The following ARFGEF3 variants were observed in gnomAD, a reference collection of about 807,000 sequenced individuals.
ARFGEF3 encodes ARFGEF family member 3.
A neutral mutation model predicts 221.7 loss-of-function variants in ARFGEF3; 96 were observed. The observed-to-expected ratio is 0.43, with a 90% CI of 0.37 to 0.51. The LOEUF is 0.51. ARFGEF3 is among the 20% of genes least tolerant of loss of function. The pLI, the probability that ARFGEF3 is intolerant of heterozygous loss-of-function variation, is 0.00. For missense variants in ARFGEF3, 2,410 were observed against 2,789.9 expected (o/e 0.86, Z 3.07); for synonymous variants, 1,145 against 1,126.8 (o/e 1.02, Z -0.32).
intron 22 of ARFGEF3, among the ~76,000 whole-genome samples, chr6:138,302,637 A>T (rs1455255573): frequency 1.3e-5 from 2 of 152,208 alleles, no homozygotes; most frequent in Non-Finnish European, 2.9e-5. Flanking sequence ...TAAAAGCTGC[A>T]AGAGAAAGAC....
At chr6:138,307,194 A>G in intron 22 of ARFGEF3, 59 bp from the exon 23 acceptor site, 1 of 1,571,184 alleles carries the variant, frequency 6.4e-7, no homozygotes, top group East Asian at 2.3e-5. Context: ...CACCCTTCCC[A>G]GAAATTCTGC....
chr6:138,195,673 T>C (rs534646385), intron 2 of ARFGEF3, among the ~76,000 whole-genome samples: 2 of 152,366 alleles, frequency 1.3e-5, no homozygotes, highest in South Asian at 4.1e-4. Flanking sequence ...ACAGTAAACA[T>C]CTTTACATAG....
At chr6:138,269,699 C>T (rs1289899277) in intron 12 of ARFGEF3, among the ~76,000 whole-genome samples, 1 of 151,804 alleles carries the variant, frequency 6.6e-6, no homozygotes, top group Admixed American at 6.6e-5. Flanking sequence ...CCCAGCTACT[C>T]GGGAGGCTGA....
intron 1 of ARFGEF3, among the ~76,000 whole-genome samples, chr6:138,164,839 A>G (rs1776693811): frequency 6.6e-6 from 1 of 152,194 alleles, no homozygotes. Flanking sequence ...GCAACAATAA[A>G]CTTAGACCAT....
chr6:138,172,774 A>T (rs2114433022), intron 2 of ARFGEF3, among the ~76,000 whole-genome samples: 1 of 152,336 alleles, frequency 6.6e-6, no homozygotes, highest in East Asian at 1.9e-4. Context: ...CTTCATAGGC[A>T]TATGAACTAA....
chr6:138,282,600 G>A (rs1779216196), intron 14 of ARFGEF3, among the ~76,000 whole-genome samples: 1 of 152,210 alleles, frequency 6.6e-6, no homozygotes, highest in South Asian at 2.1e-4. Context: ...GGGTGGCAGA[G>A]TCCTCATCAT....
intron 2 of ARFGEF3, among the ~76,000 whole-genome samples, chr6:138,186,438 C>T (rs1454815464): frequency 6.6e-6 from 1 of 152,206 alleles, no homozygotes; most frequent in East Asian, 1.9e-4. Flanking sequence ...CTTCAGATCT[C>T]ACATCCCCAT....
rs1421537762 is a variant in ARFGEF3 at position 138,287,089 on chromosome 6, G to C, written c.2801G>C (p.Cys934Ser). 6.4e-7 allele frequency: 1 copy of C among 1,573,600 alleles called. No homozygotes were observed. The highest frequency in any genetic ancestry group is 2.3e-5 in the East Asian group (1 of 42,660). ...LSCALGVAAN[C>S]ASALAQMAAA... ...TCCTCTGAAGGCGTTGCTGCTAACT[G>C]CGCCTCAGCCCTTGCCCAGATGGCA... is the stretch of plus-strand genomic sequence containing the variant. Residue 934 changes from cysteine (C) to serine (S), a missense_variant, in exon 17 of 34, where the codon TGC (cysteine) becomes TCC (serine). Coordinates refer to ENST00000251691, the MANE Select transcript of ARFGEF3 (RefSeq NM_020340.5).
intron 20 of ARFGEF3, among the ~76,000 whole-genome samples, chr6:138,295,403 T>C (rs1363787489): frequency 6.6e-6 from 1 of 151,630 alleles, no homozygotes; most frequent in African/African-American, 2.4e-5. Context: ...GCAGATCACC[T>C]GAGGTCAGGA....
chr6:138,273,240 G>A (rs1316251553), intron 12 of ARFGEF3, among the ~76,000 whole-genome samples: 2 of 152,180 alleles, frequency 1.3e-5, no homozygotes, highest in East Asian at 3.8e-4. Flanking sequence ...ATACTCTTCA[G>A]TACTATTAAA....
At chr6:138,314,377 TAA>T (rs1019586749) in intron 26 of ARFGEF3, among the ~76,000 whole-genome samples, 3 of 152,194 alleles carry the variant, frequency 2.0e-5, no homozygotes, top group African/African-American at 7.2e-5. Flanking sequence ...GCATTATGGA[TAA>T]AGTTTCCAAC....
At chr6:138,166,988 T>C (rs1246177372) in intron 1 of ARFGEF3, among the ~76,000 whole-genome samples, 2 of 152,210 alleles carry the variant, frequency 1.3e-5, no homozygotes, top group Non-Finnish European at 2.9e-5. Context: ...CTTTTTGTCA[T>C]CTGCCTTTCA....
intron 12 of ARFGEF3, among the ~76,000 whole-genome samples, chr6:138,268,329 A>G (rs915466474): frequency 6.6e-6 from 1 of 152,200 alleles, no homozygotes; most frequent in Non-Finnish European, 1.5e-5. Context: ...CTCATTATTT[A>G]TTTTGATGTC....
chr6:138,252,194 T>G (rs1163415907), intron 8 of ARFGEF3, among the ~76,000 whole-genome samples: 1 of 152,216 alleles, frequency 6.6e-6, no homozygotes, highest in Admixed American at 6.5e-5. Flanking sequence ...CATTATTTAA[T>G]CACTATACAG....
rs1779398013 is a variant in ARFGEF3 at position 138,291,210 on chromosome 6, C to A, written c.3048-523C>A. ...CCTCCCACCCGGCCGCCACCCACCC[C>A]ACCCAGACTTGAGTTATGTGGCGCC... On this transcript the variant is annotated intron_variant, in intron 18 of 33. Coordinates refer to ENST00000251691, the MANE Select transcript of ARFGEF3 (RefSeq NM_020340.5). This position sits in a 1 kb window ranked among gnomAD's most constrained non-coding sequence, Gnocchi z 4.5. Among the ~76,000 whole-genome samples, 1 of 152,208 alleles carries A rather than the reference C, an allele frequency of 6.6e-6. No individual in the cohort carries two copies. Among genetic ancestry groups the A allele is most frequent in the African/African-American group, 2.4e-5 (1 of 41,454 alleles).
At chr6:138,236,453 G>T (rs145957371) in intron 5 of ARFGEF3, among the ~76,000 whole-genome samples, 1 of 152,136 alleles carries the variant, frequency 6.6e-6, no homozygotes, top group Non-Finnish European at 1.5e-5. Context: ...CCATTTCATC[G>T]CATGCAAAAG....
chr6:138,291,729 C>G lies in ARFGEF3; in HGVS notation c.3048-4C>G. ...TAACAGCTGCTTGTCTGTGCTCTTT[C>G]TAGGGTGTGTGAATACGTGGGCACC... On this transcript the variant is annotated splice_polypyrimidine_tract_variant and splice_region_variant and intron_variant, in intron 18 of 33. Coordinates refer to ENST00000251691, the MANE Select transcript of ARFGEF3 (RefSeq NM_020340.5). This position sits in a 1 kb window ranked among gnomAD's most constrained non-coding sequence, Gnocchi z 4.5. The G allele has an allele frequency of 7.3e-7, 1 of 1,372,750 alleles. No individual in the cohort carries two copies. The highest frequency in any genetic ancestry group is 9.5e-7 in the Non-Finnish European group (1 of 1,056,552). 85.0% of individuals were successfully genotyped at this position (1,372,750 alleles called of 1,614,324 possible).
intron 20 of ARFGEF3, among the ~76,000 whole-genome samples, chr6:138,295,444 AC>A (rs1040578075): frequency 6.6e-6 from 1 of 150,998 alleles, no homozygotes; most frequent in Non-Finnish European, 1.5e-5. Flanking sequence ...ATATGGTGAA[AC>A]CCTGTCTCTA....
rs777102598 is a variant in ARFGEF3 at position 138,317,226 on chromosome 6, TAC to T, written c.4346-23_4346-22del. 3.1e-5 allele frequency: 50 copies of T among 1,606,200 alleles called. No homozygotes were observed. The Admixed American group carries it at 8.8e-4, about 28-fold the overall frequency. On this transcript the variant is annotated intron_variant, in intron 26 of 33. Coordinates refer to ENST00000251691, the MANE Select transcript of ARFGEF3 (RefSeq NM_020340.5). The stretch of plus-strand genomic sequence containing the variant: ...ATTCATTGTGTCTAACTGGATTTCA[TAC>T]AGGTCTGCTTTTTGGTTTCCAGGTC...
Sources: allele counts gnomAD v4.1 joint callset (sites outside exome capture counted in the v4.1 genomes callset), GRCh38; gene constraint gnomAD v4.1.1; non-coding constraint Gnocchi (gnomAD v3.1); transcripts MANE v1.5; gene names NCBI Gene and HGNC (gene_info 2026-07-23, HGNC 2026-07-21).